Variants in SETD3 observed in about 807,000 individuals in gnomAD.
SETD3 encodes the protein actin-histidine N-methyltransferase.
Under a neutral mutation model 63.0 loss-of-function variants are expected in SETD3, and 19 were observed. That is an observed-to-expected ratio of 0.30 (90% CI 0.21 to 0.44). The LOEUF is 0.44. SETD3 is among the 20% of genes least tolerant of loss of function. The probability of loss-of-function intolerance (pLI) is 1.00; values close to 1 mark genes in which losing one functional copy is unlikely to be tolerated. For missense variants in SETD3, 587 were observed against 728.5 expected, an observed-to-expected ratio of 0.81 and a Z score of 2.24; for synonymous variants, 286 against 264.1, an observed-to-expected ratio of 1.08 and a Z score of -0.80.
intron 12 of SETD3, among the ~76,000 whole-genome samples, chr14:99,399,753 T>A (rs1436448892): frequency 1.4e-5 from 2 of 141,158 alleles, no homozygotes; most frequent in East Asian, 4.1e-4. Context: ...TTTTTTTTTT[T>A]TTTTTTTTTT....
At chr14:99,470,213 G>A (rs560718069) in intron 1 of SETD3, among the ~76,000 whole-genome samples, 10 of 152,182 alleles carry the variant, frequency 6.6e-5, no homozygotes, top group Admixed American at 2.0e-4. Context: ...AGGCTCTACC[G>A]AAATGTGCCC....
intron 3 of SETD3, 48 bp from the exon 4 acceptor site, chr14:99,461,388 T>A: frequency 6.4e-7 from 1 of 1,572,170 alleles, no homozygotes; most frequent in African/African-American, 1.4e-5. Context: ...TTAGGACACA[T>A]ATCATTCACA....
intron 6 of SETD3, among the ~76,000 whole-genome samples, chr14:99,435,288 T>C (rs189462503): frequency 6.6e-6 from 1 of 152,356 alleles, no homozygotes; most frequent in African/African-American, 2.4e-5. Flanking sequence ...CATTTGACTC[T>C]TTCCTGCCTC....
At chr14:99,436,046 G>GA (rs1161547639) in intron 6 of SETD3, among the ~76,000 whole-genome samples, 1 of 152,140 alleles carries the variant, frequency 6.6e-6, no homozygotes, top group Non-Finnish European at 1.5e-5. Flanking sequence ...AAGGCAGCAG[G>GA]AAGAAGTGCC....
At chr14:99,404,674 G>C (rs1473534992) in intron 10 of SETD3, among the ~76,000 whole-genome samples, 2 of 152,016 alleles carry the variant, frequency 1.3e-5, no homozygotes, top group Non-Finnish European at 2.9e-5. Flanking sequence ...ATCAAATATT[G>C]ACAAGTTCAA....
At chr14:99,439,417 C>T (rs1489865054) in intron 6 of SETD3, among the ~76,000 whole-genome samples, 1 of 152,172 alleles carries the variant, frequency 6.6e-6, no homozygotes, top group Non-Finnish European at 1.5e-5. Flanking sequence ...CACTTTTGCT[C>T]GTCAACATTT....
chr14:99,413,919 T>C lies in SETD3; in HGVS notation c.691A>G (p.Asn231Asp), dbSNP rs376909710. 8.7e-6 allele frequency: 14 copies of C among 1,614,016 alleles called. No homozygotes were observed. Among genetic ancestry groups the C allele is most frequent in the Non-Finnish European group, 1.1e-5 (13 of 1,179,972 alleles). ...AAAGAATCCTTCAAGGGTAGTTTGT[T>C]GGCATGAGGATGGGTCTGGGAATTA... ...YKVIQTHPHA[N>D]KLPLKDSFTY... is the part of the protein sequence containing the mutation. The change falls in exon 7 of 13, where the codon AAC becomes GAC. Residue 231 changes from asparagine (N) to aspartate (D), a missense_variant. Transcript: ENST00000331768.
At chr14:99,475,370 CGT>C (rs1180333127) in intron 1 of SETD3, among the ~76,000 whole-genome samples, 1 of 152,206 alleles carries the variant, frequency 6.6e-6, no homozygotes, top group Non-Finnish European at 1.5e-5. Context: ...ACAGAGAGAG[CGT>C]GTTATTCCTG....
chr14:99,421,598 T>C (rs1892599956), intron 6 of SETD3, among the ~76,000 whole-genome samples: 2 of 152,078 alleles, frequency 1.3e-5, no homozygotes, highest in African/African-American at 2.4e-5. Context: ...GTCATCTCCA[T>C]GAGAAACAGT....
intron 6 of SETD3, among the ~76,000 whole-genome samples, chr14:99,425,908 G>C (rs1245106446): frequency 6.6e-6 from 1 of 152,068 alleles, no homozygotes; most frequent in African/African-American, 2.4e-5. Context: ...TGTCAGTTAA[G>C]ACTCTATGCT....
At chr14:99,430,766 G>T (rs914421142) in intron 6 of SETD3, among the ~76,000 whole-genome samples, 2 of 152,198 alleles carry the variant, frequency 1.3e-5, no homozygotes, top group Non-Finnish European at 2.9e-5. Flanking sequence ...TCCTCTCACA[G>T]CAGATCCTCC....
At chr14:99,433,904 C>A (rs1048393538) in intron 6 of SETD3, among the ~76,000 whole-genome samples, 2 of 152,130 alleles carry the variant, frequency 1.3e-5, no homozygotes, top group Non-Finnish European at 2.9e-5. Flanking sequence ...TCGCAAAAAA[C>A]CAAGCGCTAA....
chr14:99,474,080 G>A (rs1009603250), intron 1 of SETD3, among the ~76,000 whole-genome samples: 2 of 152,178 alleles, frequency 1.3e-5, no homozygotes, highest in African/African-American at 4.8e-5. Flanking sequence ...CAGCACTTTG[G>A]GAGGCCAAGG....
intron 6 of SETD3, among the ~76,000 whole-genome samples, chr14:99,447,026 G>A (rs535042519): frequency 2.5e-4 from 38 of 150,064 alleles, no homozygotes; most frequent in African/African-American, 9.1e-4. Context: ...AGGCTAGAGC[G>A]CAGTGGTACA....
chr14:99,481,037 GGGCAAGAGC>G (rs1896290278), upstream of SETD3: 1 of 167,358 alleles, frequency 6.0e-6, no homozygotes, highest in Non-Finnish European at 1.3e-5. Flanking sequence ...CAGCTCCCGG[GGGCAAGAGC>G]GGCCGGCTCA....
intron 11 of SETD3, 71 bp downstream of exon 11, chr14:99,404,154 T>A (rs886970780): frequency 2.4e-6 from 3 of 1,241,976 alleles, no homozygotes; most frequent in Non-Finnish European, 3.5e-6. Flanking sequence ...TTAATCTGAA[T>A]CCCTATGCTT....
intron 6 of SETD3, among the ~76,000 whole-genome samples, chr14:99,418,660 G>C (rs1245398739): frequency 6.6e-6 from 1 of 152,114 alleles, no homozygotes. Context: ...AAGCAGAGGT[G>C]CAAAAGACAG....
At position 99,459,235 on chromosome 14, in the gene SETD3, T is replaced by C. The variant is rs201311656; in HGVS notation, c.346-50A>G. The stretch of plus-strand genomic sequence containing the variant: ...GAATCATCAAAACACGGTACAGTCT[T>C]CAATCCAACCATATCTACGGTCAGA... On this transcript the variant is annotated intron_variant, in intron 4 of 12. Coordinates refer to ENST00000331768, the MANE Select transcript of SETD3 (RefSeq NM_032233.3). The C allele has an allele frequency of 1.1e-5, 15 of 1,310,234 alleles. No individual in the cohort carries two copies. The Admixed American group carries it at 2.0e-4, about 17-fold the overall frequency. The allele number at this position is 1,310,234 out of a possible 1,614,324, so 81.2% of individuals were successfully genotyped here. A position where few individuals can be genotyped will look rare whatever the true frequency, so the allele number is the denominator to read the frequency against.
intron 6 of SETD3, among the ~76,000 whole-genome samples, chr14:99,442,377 G>A (rs1893873451): frequency 6.6e-6 from 1 of 152,210 alleles, no homozygotes; most frequent in African/African-American, 2.4e-5. Context: ...TGAGAATGAA[G>A]GAAAGTCCTT....
Sources: allele counts gnomAD v4.1 joint callset (sites outside exome capture counted in the v4.1 genomes callset), GRCh38; gene constraint gnomAD v4.1.1; transcripts MANE v1.5; gene names NCBI Gene and HGNC (gene_info 2026-07-23, HGNC 2026-07-21).